The following PSMD1 variants were observed in gnomAD, a reference collection of about 807,000 sequenced individuals.
The protein encoded by PSMD1 is proteasome 26S subunit, non-ATPase 1.
Under a neutral mutation model 119.0 loss-of-function variants are expected in PSMD1, and 18 were observed. That is an observed-to-expected ratio of 0.15 (90% confidence interval 0.10 to 0.22). The LOEUF (loss-of-function observed/expected upper bound fraction) is 0.22, where lower values mean the gene tolerates loss of function less well. PSMD1 is among the 10% of genes least tolerant of loss of function. The pLI, the probability that PSMD1 is intolerant of heterozygous loss-of-function variation, is 1.00. For synonymous variants in PSMD1, 374 were observed against 396.6 expected (o/e 0.94, Z 0.68); for missense variants, 702 against 1,158.5 (o/e 0.61, Z 5.72).
chr2:231,118,978 AAAAG>A (rs140331010), intron 16 of PSMD1, among the ~76,000 whole-genome samples: 12,446 of 152,256 alleles, frequency 0.082, 637 homozygotes, highest in South Asian at 0.21. Flanking sequence ...TATCTTCCAG[AAAAG>A]AAAGACATAG....
intron 16 of PSMD1, among the ~76,000 whole-genome samples, chr2:231,115,345 C>T (rs866483778): frequency 4.6e-5 from 7 of 152,226 alleles, no homozygotes; most frequent in Middle Eastern, 3.4e-3. Context: ...GCAAGGCTGA[C>T]ACATCTACTT....
chr2:231,125,155 T>C (rs940441968), intron 16 of PSMD1: 10 of 152,234 alleles, frequency 6.6e-5, no homozygotes, highest in Admixed American at 2.6e-4. Flanking sequence ...TCCTCTTTGA[T>C]ACATTCATTT....
chr2:231,151,936 C>T (rs1054080783), intron 18 of PSMD1, among the ~76,000 whole-genome samples: 2 of 151,276 alleles, frequency 1.3e-5, no homozygotes, highest in Admixed American at 6.6e-5. Context: ...CCTCAGCCTC[C>T]TGAGTAGCTG....
Position 231,165,885 on chromosome 2 carries a change from A to G in PSMD1, c.2583A>G (p.Lys861=), listed in dbSNP as rs1696768531. The G allele has an allele frequency of 6.2e-7, 1 of 1,611,418 alleles. No individual in the cohort carries two copies. Among genetic ancestry groups the G allele is most frequent in the African/African-American group, 1.3e-5 (1 of 74,790 alleles). The stretch of plus-strand genomic sequence containing the variant: ...TTATTTTATAGGATGAGGCAGAGAA[A>G]AAGGAGGAAAAAGAGAAGAAAAAAG... ...EEKMEVDEAE[K]KEEKEKKKEP... Residue 861 remains lysine (K), a synonymous_variant, in exon 23 of 25, where the codon AAA becomes AAG. Coordinates refer to ENST00000308696, the MANE Select transcript of PSMD1 (RefSeq NM_002807.4).
chr2:231,098,445 CTT>C (rs1471482510), intron 16 of PSMD1, among the ~76,000 whole-genome samples: 4 of 151,056 alleles, frequency 2.6e-5, no homozygotes, highest in African/African-American at 7.4e-5. Context: ...CTCTCTGTCT[CTT>C]TCTCTCTCTC....
intron 23 of PSMD1, among the ~76,000 whole-genome samples, chr2:231,169,162 T>A (rs1387832904): frequency 6.6e-6 from 1 of 152,152 alleles, no homozygotes; most frequent in Non-Finnish European, 1.5e-5. Flanking sequence ...TTTTTTTTTG[T>A]GTGTGTGTTA....
At chr2:231,085,743 C>T (rs1277912783) in intron 15 of PSMD1, among the ~76,000 whole-genome samples, 1 of 151,684 alleles carries the variant, frequency 6.6e-6, no homozygotes, top group Non-Finnish European at 1.5e-5. Context: ...AGGCTTTCCA[C>T]TCATAGTTCT....
rs184760599 is a variant in PSMD1, at chr2:231,143,273, A to G, written c.1999-2967A>G. Among the ~76,000 whole-genome samples, 41 of 152,080 alleles carry G rather than the reference A, an allele frequency of 2.7e-4. No individual in the cohort carries two copies. The East Asian group carries it at 6.6e-3, about 24-fold the overall frequency. On this transcript the variant is annotated intron_variant, in intron 17 of 24. Coordinates refer to ENST00000308696, the MANE Select transcript of PSMD1 (RefSeq NM_002807.4). ...AAGACAGAGTCTTGCTCTGTTGCCC[A>G]GGCTAGAGTGCAGTGGCGCTATCTC...
intron 16 of PSMD1, among the ~76,000 whole-genome samples, chr2:231,131,818 G>C (rs1208287154): frequency 6.6e-6 from 1 of 150,920 alleles, no homozygotes; most frequent in Non-Finnish European, 1.5e-5. Context: ...AGAGTTGCCT[G>C]CTGAAACATT....
intron 16 of PSMD1, among the ~76,000 whole-genome samples, chr2:231,115,231 T>C (rs1574742894): frequency 6.6e-6 from 1 of 151,392 alleles, no homozygotes; most frequent in South Asian, 2.1e-4. Flanking sequence ...AGTTTTTAGA[T>C]AGATTTGGCT....
intron 4 of PSMD1, among the ~76,000 whole-genome samples, chr2:231,064,873 G>A (rs1693860933): frequency 6.6e-6 from 1 of 150,588 alleles, no homozygotes; most frequent in Non-Finnish European, 1.5e-5. Flanking sequence ...TGTTGGCCAG[G>A]CTGGTCTTAA....
intron 16 of PSMD1, among the ~76,000 whole-genome samples, chr2:231,121,000 C>T (rs1218102077): frequency 6.6e-6 from 1 of 152,188 alleles, no homozygotes; most frequent in African/African-American, 2.4e-5. Context: ...ATTTGTAATA[C>T]ATGCAGTTCC....
At position 231,072,283 on chromosome 2, in the gene PSMD1, T is replaced by G. The variant is rs777762805; in HGVS notation, c.749T>G (p.Phe250Cys). The G allele has an allele frequency of 6.2e-7, 1 of 1,613,894 alleles. No individual in the cohort carries two copies. The highest frequency in any genetic ancestry group is 8.5e-7 in the Non-Finnish European group (1 of 1,179,874). The change falls in exon 7 of 25, where the codon TTT (phenylalanine) becomes TGT (cysteine). Residue 250 changes from phenylalanine to cysteine, a missense_variant. Transcript: ENST00000308696. ...CTCCTGATGGCATATCAGATTTGTTTTGATTTGTATGAAAGTGCTAGCCAG... is the reference window on the plus strand; with the variant it reads ...CTCCTGATGGCATATCAGATTTGTTGTGATTTGTATGAAAGTGCTAGCCAG... ...DNLLMAYQIC[F>C]DLYESASQQF...
intron 24 of PSMD1, among the ~76,000 whole-genome samples, chr2:231,171,058 G>T (rs1696900383): frequency 6.6e-6 from 1 of 152,168 alleles, no homozygotes; most frequent in Non-Finnish European, 1.5e-5. Context: ...CAGCTGAACT[G>T]CAGTTTGCTT....
chr2:231,095,050 TGTCGGGA>T (rs1254880785), intron 16 of PSMD1, among the ~76,000 whole-genome samples: 2 of 152,212 alleles, frequency 1.3e-5, no homozygotes, highest in Admixed American at 1.3e-4. Flanking sequence ...CTATTAACCC[TGTCGGGA>T]GTGTTTAGTA....
chr2:231,084,154 G>A (rs1319475904), intron 14 of PSMD1, among the ~76,000 whole-genome samples: 2 of 151,980 alleles, frequency 1.3e-5, no homozygotes, highest in East Asian at 3.8e-4. Context: ...TTCAAAACTA[G>A]CCTGGCCAAC....
intron 16 of PSMD1, chr2:231,108,935 G>C (rs1559233383): frequency 1.5e-5 from 25 of 1,614,098 alleles, no homozygotes; most frequent in Non-Finnish European, 2.0e-5. Context: ...AGTTATATTT[G>C]TAATAAAGAA....
chr2:231,146,783 C>T (rs1001543591), intron 18 of PSMD1, among the ~76,000 whole-genome samples: 8 of 152,148 alleles, frequency 5.3e-5, no homozygotes, highest in Non-Finnish European at 1.0e-4. Flanking sequence ...CACTTTGTAT[C>T]GTACATACCA....
At chr2:231,058,154 T>C (rs969336960) in intron 1 of PSMD1, among the ~76,000 whole-genome samples, 11 of 152,212 alleles carry the variant, frequency 7.2e-5, no homozygotes, top group Non-Finnish European at 1.6e-4. Flanking sequence ...TTTAGTTCAG[T>C]ATCAGGAAGT....
Sources: gnomAD v4.1 joint callset for allele counts (sites outside exome capture counted in the v4.1 genomes callset) on GRCh38, gnomAD v4.1.1 for gene constraint, MANE v1.5 for transcripts, NCBI Gene and HGNC (gene_info 2026-07-23, HGNC 2026-07-21) for gene names.